The following PHACTR1 variants were observed in gnomAD, a reference collection of about 807,000 sequenced individuals.
PHACTR1 encodes the protein phosphatase and actin regulator 1, also known as RPEL repeat containing 1.
Under a neutral mutation model 69.2 loss-of-function variants are expected in PHACTR1, and 16 were observed. The observed-to-expected ratio is 0.23, with a 90% CI of 0.16 to 0.35. The LOEUF (loss-of-function observed/expected upper bound fraction) is 0.35, where lower values mean the gene tolerates loss of function less well. Among genes scored for constraint, PHACTR1 ranks in the 10% least tolerant of loss-of-function variants. PHACTR1 has a pLI of 1.00. For synonymous variants in PHACTR1, 312 were observed against 284.5 expected (o/e 1.10, Z -0.97); for missense variants, 510 against 734.7 (o/e 0.69, Z 3.54).
At chr6:13,004,534 G>T (rs1798546416) in intron 4 of PHACTR1, among the ~76,000 whole-genome samples, 1 of 152,108 alleles carries the variant, frequency 6.6e-6, no homozygotes, top group Admixed American at 6.6e-5. Context: ...TTAGTTCTTT[G>T]TCAATATATC....
At chr6:13,208,630 CA>C (rs373109720) in intron 8 of PHACTR1, among the ~76,000 whole-genome samples, 3,759 of 144,712 alleles carry the variant, frequency 0.026, 57 homozygotes, top group African/African-American at 0.042. Context: ...CATTGCTGCC[CA>C]CCCCCCCAAC....
At chr6:13,218,868 G>GAAGAGAA (rs1384808512) in intron 8 of PHACTR1, among the ~76,000 whole-genome samples, 1 of 10,156 alleles carries the variant, frequency 9.8e-5, no homozygotes, top group African/African-American at 2.5e-4. Context: ...GAAGAGAAGA[G>GAAGAGAA]AAGAGAAGAG....
chr6:12,788,013 C>T (rs963607761), intron 4 of PHACTR1, among the ~76,000 whole-genome samples: 1 of 152,086 alleles, frequency 6.6e-6, no homozygotes, highest in Non-Finnish European at 1.5e-5. Flanking sequence ...GAAAAATCAG[C>T]CAGGCGTTGG....
At chr6:13,278,386 C>A in intron 12 of PHACTR1, 57 bp downstream of exon 12, 18 of 1,492,602 alleles carry the variant, frequency 1.2e-5, no homozygotes, top group Non-Finnish European at 1.6e-5. Flanking sequence ...GCCTGCCACA[C>A]CTCTGCCCTC....
intron 5 of PHACTR1, among the ~76,000 whole-genome samples, chr6:13,130,674 C>G (rs1820271862): frequency 6.6e-6 from 1 of 151,874 alleles, no homozygotes. Flanking sequence ...TTAAAAATTG[C>G]CAATAAAAAA....
At chr6:13,267,793 C>T (rs1386888160) in intron 10 of PHACTR1, 1 of 137,326 alleles carries the variant, frequency 7.3e-6, no homozygotes, top group Non-Finnish European at 1.5e-5. Context: ...TTGATCTCAG[C>T]CAGCGTCTCA....
At chr6:12,827,167 T>A (rs1776897340) in intron 4 of PHACTR1, among the ~76,000 whole-genome samples, 1 of 152,206 alleles carries the variant, frequency 6.6e-6, no homozygotes, top group Admixed American at 6.5e-5. Flanking sequence ...TCGAAAGGAC[T>A]TTTTCTATCT....
chr6:13,158,577 A>G (rs1414035211), intron 5 of PHACTR1, among the ~76,000 whole-genome samples: 4 of 152,238 alleles, frequency 2.6e-5, no homozygotes, highest in East Asian at 1.9e-4. Context: ...TTAAAATAGT[A>G]AGTTCCAAAA....
intron 7 of PHACTR1, chr6:13,196,432 G>GT: frequency 9.7e-6 from 1 of 103,384 alleles, no homozygotes; most frequent in Non-Finnish European, 2.1e-5. Context: ...TTTTTTTTTT[G>GT]TTTTTTGAGA....
At chr6:13,115,822 C>T (rs1357394328) in intron 5 of PHACTR1, among the ~76,000 whole-genome samples, 1 of 152,176 alleles carries the variant, frequency 6.6e-6, no homozygotes, top group East Asian at 1.9e-4. Flanking sequence ...ACCGCAGCTC[C>T]AGCTGAATTC....
intron 5 of PHACTR1, among the ~76,000 whole-genome samples, chr6:13,125,784 GC>G (rs1454657215): frequency 1.3e-5 from 2 of 152,000 alleles, no homozygotes; most frequent in Non-Finnish European, 1.5e-5. Flanking sequence ...CAAAAAATTA[GC>G]CAGACTTGGT....
intron 7 of PHACTR1, among the ~76,000 whole-genome samples, chr6:13,188,660 G>A (rs1763115435): frequency 6.6e-6 from 1 of 152,214 alleles, no homozygotes; most frequent in Non-Finnish European, 1.5e-5. Context: ...TCAGGAAAAT[G>A]TAATTAATTT....
intron 4 of PHACTR1, among the ~76,000 whole-genome samples, chr6:12,983,969 C>A (rs1401522371): frequency 2.0e-5 from 3 of 152,248 alleles, no homozygotes; most frequent in South Asian, 4.1e-4. Flanking sequence ...GAGTTGGTTC[C>A]AAGTGTTTAC....
chr6:13,238,567 C>T (rs892817080), intron 10 of PHACTR1, among the ~76,000 whole-genome samples: 5 of 152,160 alleles, frequency 3.3e-5, no homozygotes, highest in African/African-American at 7.2e-5. Flanking sequence ...AATCATGGTA[C>T]GGTGTTCAAG....
intron 4 of PHACTR1, among the ~76,000 whole-genome samples, chr6:12,925,803 G>T (rs1018414380): frequency 2.0e-5 from 3 of 151,970 alleles, no homozygotes; most frequent in Non-Finnish European, 2.9e-5. Flanking sequence ...CCATTTCTCT[G>T]CTCCCCCAAA....
intron 5 of PHACTR1, among the ~76,000 whole-genome samples, chr6:13,137,346 G>T (rs867325443): frequency 6.6e-6 from 1 of 152,138 alleles, no homozygotes; most frequent in Non-Finnish European, 1.5e-5. Flanking sequence ...ATGTACCTAG[G>T]CATTGAGTTA....
At chr6:13,081,398 T>C (rs999284561) in intron 5 of PHACTR1, among the ~76,000 whole-genome samples, 3 of 152,200 alleles carry the variant, frequency 2.0e-5, no homozygotes, top group African/African-American at 7.2e-5. Flanking sequence ...CATATAAATA[T>C]AGTAGCAGCA....
intron 4 of PHACTR1, among the ~76,000 whole-genome samples, chr6:12,784,606 A>G (rs527606778): frequency 6.6e-6 from 1 of 151,514 alleles, no homozygotes; most frequent in Admixed American, 6.6e-5. Flanking sequence ...GTATATCTAT[A>G]CACATATATG....
chr6:13,166,298 C>G (rs1242062592), intron 6 of PHACTR1, among the ~76,000 whole-genome samples: 3 of 152,192 alleles, frequency 2.0e-5, no homozygotes, highest in Non-Finnish European at 4.4e-5. Flanking sequence ...TTATCACCTT[C>G]CACCTTCAGA....
Sources: allele counts gnomAD v4.1 joint callset (sites outside exome capture counted in the v4.1 genomes callset), GRCh38; gene constraint gnomAD v4.1.1; transcripts MANE v1.5; gene names NCBI Gene and HGNC (gene_info 2026-07-23, HGNC 2026-07-21).